Variants in ABCA5 observed in about 807,000 individuals in gnomAD.
The protein encoded by ABCA5 is cholesterol transporter ABCA5.
ABCA5 carries 163 observed loss-of-function variants against 206.0 expected under a neutral mutation model. The observed-to-expected ratio is 0.79, with a 90% confidence interval of 0.70 to 0.90. The LOEUF is 0.90. Ranked by LOEUF, ABCA5 falls within the 40% of genes least tolerant of loss-of-function variation. The pLI is 0.00. For missense variants in ABCA5, 1,859 were observed against 1,912.9 expected, an observed-to-expected ratio of 0.97 and a Z score of 0.53; for synonymous variants, 609 against 613.8, an observed-to-expected ratio of 0.99 and a Z score of 0.11.
rs1004241014 is a variant in ABCA5 at position 69,326,197 on chromosome 17, A to G, written c.-16+855T>C. 2.0e-5 allele frequency among the ~76,000 whole-genome samples: 3 copies of G among 152,144 alleles called. No individual in the cohort carries two copies. Among genetic ancestry groups the G allele is most frequent in the Non-Finnish European group, 4.4e-5 (3 of 68,016 alleles). Reference sequence around the variant, plus strand: ...GAGGCCCATTCTCCACACCTGCCCAACTGGAATAACCCCCTCCAATCCTAC... The same window carrying G: ...GAGGCCCATTCTCCACACCTGCCCAGCTGGAATAACCCCCTCCAATCCTAC... On this transcript the variant is annotated intron_variant, in intron 1 of 38. Transcript: ENST00000392676. This position sits in a 1 kb window ranked among gnomAD's most constrained non-coding sequence, Gnocchi z 4.8.
intron 1 of ABCA5, among the ~76,000 whole-genome samples, chr17:69,320,605 G>A (rs2075856219): frequency 6.6e-6 from 1 of 152,096 alleles, no homozygotes; most frequent in Non-Finnish European, 1.5e-5. Context: ...TTAGCTGTTT[G>A]ATTGAAAAGA....
At chr17:69,295,083 C>T (rs1416495850) in intron 10 of ABCA5, among the ~76,000 whole-genome samples, 1 of 151,886 alleles carries the variant, frequency 6.6e-6, no homozygotes, top group African/African-American at 2.4e-5. Flanking sequence ...ATGAAGTACA[C>T]TAAAGAAAAT....
At chr17:69,294,195 G>A (rs2075560432) in intron 11 of ABCA5, among the ~76,000 whole-genome samples, 1 of 151,884 alleles carries the variant, frequency 6.6e-6, no homozygotes, top group African/African-American at 2.4e-5. Flanking sequence ...GTTTTATTTT[G>A]AATATTAATC....
In ABCA5 at chr17:69,254,430, C is replaced by T. The variant is rs1388890292; in HGVS notation, c.4129G>A (p.Gly1377Ser). Residue 1377 changes from glycine to serine, a missense_variant, in exon 32 of 39, where the codon GGT becomes AGT. By Grantham distance (56) the Gly-to-Ser change is moderately conservative. Transcript: ENST00000392676. ...SEDDDSLKCMGYCPQINPLWP... is the reference protein window; with the variant it reads ...SEDDDSLKCMSYCPQINPLWP... ...AAAGGGTTTATCTGAGGACAGTAAC[C>T]CATACACTTCAGTGAATCATCATCT... 2.5e-6 allele frequency: 4 copies of T among 1,613,372 alleles called. No individual in the cohort carries two copies. In the African/African-American group the frequency reaches 5.3e-5, roughly 22 times the overall value.
chr17:69,272,777 A>G (rs1348754988), intron 20 of ABCA5, among the ~76,000 whole-genome samples: 2 of 152,172 alleles, frequency 1.3e-5, no homozygotes, highest in Non-Finnish European at 2.9e-5. Flanking sequence ...ATACATCTTT[A>G]CCAGAAAGAA....
intron 9 of ABCA5, among the ~76,000 whole-genome samples, chr17:69,300,569 G>C (rs1191584431): frequency 6.6e-6 from 1 of 152,152 alleles, no homozygotes; most frequent in Non-Finnish European, 1.5e-5. Flanking sequence ...TTGGAATGTG[G>C]CCTGTGCTAC....
At chr17:69,286,531 C>A (rs184376407) in intron 15 of ABCA5, among the ~76,000 whole-genome samples, 189 of 152,230 alleles carry the variant, frequency 1.2e-3, no homozygotes, top group Middle Eastern at 3.4e-3. Context: ...TTTCATACAG[C>A]TATTAAGTAA....
chr17:69,306,903 T>C lies in ABCA5; in HGVS notation c.610A>G (p.Ile204Val). The C allele has an allele frequency of 6.3e-7, 1 of 1,589,638 alleles. No homozygotes were observed. Residue 204 changes from isoleucine to valine, a missense_variant, in exon 6 of 39, where the codon ATT becomes GTT. Physicochemically the swap from Ile to Val is conservative, Grantham distance 29. Coordinates refer to ENST00000392676, the MANE Select transcript of ABCA5 (RefSeq NM_172232.4). ...WKELESTKAVIMGETAVVEID... is the reference protein window; with the variant it reads ...WKELESTKAVVMGETAVVEID... Reference sequence around the variant, plus strand: ...TCTACAACAGCAGTTTCTCCCATAATAACAGCTTTAGTTGACTCCAGCTCC... The same window carrying C: ...TCTACAACAGCAGTTTCTCCCATAACAACAGCTTTAGTTGACTCCAGCTCC...
At chr17:69,308,405 C>G (rs760967587) in intron 4 of ABCA5, 37 bp from the exon 5 acceptor site, 14 of 1,416,434 alleles carry the variant, frequency 9.9e-6, no homozygotes, top group Non-Finnish European at 1.4e-5. Context: ...AGATTCTGTA[C>G]AACATGCAAG....
At chr17:69,266,804 ATG>A (rs68181802) in intron 23 of ABCA5, among the ~76,000 whole-genome samples, 14,598 of 149,918 alleles carry the variant, frequency 0.097, 753 homozygotes, top group Middle Eastern at 0.11. Flanking sequence ...AAATAGAGAT[ATG>A]TGTTACTTTT....
At chr17:69,271,090 A>G in intron 21 of ABCA5, 72 bp downstream of exon 21, 1 of 1,512,290 alleles carries the variant, frequency 6.6e-7, no homozygotes, top group Non-Finnish European at 8.8e-7. Context: ...TCAACAAATA[A>G]TTAATTTTAG....
In ABCA5 at chr17:69,326,476, A is replaced by C. The variant is rs2075897369; in HGVS notation, c.-16+576T>G. On this transcript the variant is annotated intron_variant, in intron 1 of 38. Coordinates refer to ENST00000392676, the MANE Select transcript of ABCA5 (RefSeq NM_172232.4). The surrounding 1 kb of genome is among the most constrained non-coding windows in gnomAD (Gnocchi z 4.8). ...TCCAATTAAGTATTTCCATGCCTGG[A>C]GCTCCTATTCGTGTTTTAGGATCAG... is the stretch of plus-strand genomic sequence containing the variant. Among the ~76,000 whole-genome samples the C allele has an allele frequency of 6.6e-6, 1 of 152,116 alleles. No homozygotes were observed. The highest frequency in any genetic ancestry group is 1.5e-5 in the Non-Finnish European group (1 of 68,022).
chr17:69,287,537 C>T, intron 15 of ABCA5, 76 bp downstream of exon 15: 1 of 1,483,330 alleles, frequency 6.7e-7, no homozygotes, highest in East Asian at 2.4e-5. Flanking sequence ...ATTTATACCT[C>T]AGGAATTAGC....
At chr17:69,268,706 A>G (rs1309608475) in intron 22 of ABCA5, 1 of 152,206 alleles carries the variant, frequency 6.6e-6, no homozygotes, top group South Asian at 2.1e-4. Context: ...CCCTTGTTCT[A>G]TAAGAATACA....
intron 9 of ABCA5, among the ~76,000 whole-genome samples, chr17:69,299,728 G>C (rs1470243636): frequency 6.6e-6 from 1 of 151,968 alleles, no homozygotes; most frequent in African/African-American, 2.4e-5. Context: ...AGGGATAAAA[G>C]AATACACACT....
Position 69,302,794 on chromosome 17 carries a change from ATGAGG to A in ABCA5, c.1038_1042del (p.Leu347ArgfsTer33). 6.2e-7 allele frequency: 1 copy of A among 1,601,304 alleles called. No individual in the cohort carries two copies. On this transcript the variant is annotated frameshift_variant, in exon 8 of 39. Transcript: ENST00000392676. LOFTEE classifies it high-confidence loss of function. The stretch of plus-strand genomic sequence containing the variant: ...CACTAACGATTTGGGAAAACTTTCT[ATGAGG>A]ATTATCATAAGGCCAATAAATCCAA...
At chr17:69,254,210 T>A (rs1205643867) in intron 32 of ABCA5, 105 bp downstream of exon 32, 4 of 937,230 alleles carry the variant, frequency 4.3e-6, no homozygotes, top group Non-Finnish European at 3.1e-6. Context: ...AAACATTTTC[T>A]ATAAAAATCA....
rs1338817010 is a variant in ABCA5 at position 69,326,747 on chromosome 17, A to G, written c.-16+305T>C. Among the ~76,000 whole-genome samples the G allele has an allele frequency of 2.6e-5, 4 of 152,124 alleles. No homozygotes were observed. Among genetic ancestry groups the G allele is most frequent in the Non-Finnish European group, 4.4e-5 (3 of 68,008 alleles). ...AAGTCCCACGGCCGGACCCGGTCCC[A>G]GGGGAGCCTCGCGGAGCCCCCGCCG... On this transcript the variant is annotated intron_variant, in intron 1 of 38. Coordinates refer to ENST00000392676, the MANE Select transcript of ABCA5 (RefSeq NM_172232.4). This position sits in a 1 kb window ranked among gnomAD's most constrained non-coding sequence, Gnocchi z 4.8.
intron 18 of ABCA5, among the ~76,000 whole-genome samples, chr17:69,281,230 C>T (rs1227378368): frequency 1.3e-5 from 2 of 151,328 alleles, no homozygotes; most frequent in Non-Finnish European, 2.9e-5. Flanking sequence ...AGTGAGATAA[C>T]TTTAGGAAGA....
Sources: gnomAD v4.1 joint callset for allele counts (sites outside exome capture counted in the v4.1 genomes callset) on GRCh38, gnomAD v4.1.1 for gene constraint, Gnocchi (gnomAD v3.1) non-coding constraint, MANE v1.5 for transcripts, NCBI Gene and HGNC (gene_info 2026-07-23, HGNC 2026-07-21) for gene names.